The following AUTS2 variants were observed in gnomAD, a reference collection of about 807,000 sequenced individuals.
The protein encoded by AUTS2 is activator of transcription and developmental regulator AUTS2, also known as autism susceptibility gene 2 protein.
In AUTS2, 17 loss-of-function variants were observed where a neutral mutation model predicts 112.4. That is an observed-to-expected ratio of 0.15 (90% CI 0.10 to 0.23). The LOEUF is 0.23. AUTS2 is among the 10% of genes least tolerant of loss of function. AUTS2 has a pLI of 1.00. For synonymous variants in AUTS2, 751 were observed against 702.7 expected, an observed-to-expected ratio of 1.07 and a Z score of -1.09; for missense variants, 1,510 against 1,701.6, an observed-to-expected ratio of 0.89 and a Z score of 1.98.
At chr7:70,466,956 T>TG (rs1797190848) in intron 5 of AUTS2, among the ~76,000 whole-genome samples, 2 of 152,112 alleles carry the variant, frequency 1.3e-5, no homozygotes, top group Non-Finnish European at 2.9e-5. Context: ...GAGTAGGCAA[T>TG]GTGGGGGCTG....
intron 4 of AUTS2, among the ~76,000 whole-genome samples, chr7:70,255,366 C>G (rs914859702): frequency 6.6e-6 from 1 of 152,062 alleles, no homozygotes. Context: ...GCCACCACGC[C>G]CAGCCACGAA....
intron 2 of AUTS2, among the ~76,000 whole-genome samples, chr7:69,978,859 A>AACAC (rs71068004): frequency 0.23 from 29,694 of 129,384 alleles, 3,633 homozygotes; most frequent in Non-Finnish European, 0.26. Flanking sequence ...TCAAAGAAAC[A>AACAC]ACACACACAC....
Position 69,716,422 on chromosome 7 carries a change from C to G in AUTS2, c.309+116460C>G, listed in dbSNP as rs145564589. Among the ~76,000 whole-genome samples, 364 of 151,964 alleles carry G rather than the reference C, an allele frequency of 2.4e-3. 1 individual carries two copies. The highest frequency in any genetic ancestry group is 3.5e-3 in the Non-Finnish European group (238 of 67,978). On this transcript the variant is annotated intron_variant, in intron 1 of 18. Transcript: ENST00000342771. ...GATTAGACAAATTAAGAGAAATTTT[C>G]GATAGGGAAAAGAAGCAGGACAAGG...
intron 1 of AUTS2, among the ~76,000 whole-genome samples, chr7:69,653,331 C>G (rs770390496): frequency 2.0e-5 from 3 of 152,146 alleles, no homozygotes; most frequent in Non-Finnish European, 2.9e-5. Context: ...GATTATGGAG[C>G]CTGAAGAACA....
At chr7:69,693,682 C>G (rs1056356224) in intron 1 of AUTS2, among the ~76,000 whole-genome samples, 3 of 152,322 alleles carry the variant, frequency 2.0e-5, no homozygotes, top group African/African-American at 7.2e-5. Flanking sequence ...GTCTGTCTCT[C>G]TCTCTCTCTC....
intron 4 of AUTS2, among the ~76,000 whole-genome samples, chr7:70,431,851 A>G (rs551439578): frequency 1.3e-5 from 2 of 152,302 alleles, no homozygotes; most frequent in African/African-American, 4.8e-5. Context: ...CAGTATTGAG[A>G]TGGCTGGAAG....
chr7:69,689,744 C>G (rs563757817), intron 1 of AUTS2, among the ~76,000 whole-genome samples: 1 of 151,344 alleles, frequency 6.6e-6, no homozygotes, highest in South Asian at 2.1e-4. Flanking sequence ...GTGGCATGAT[C>G]TTGACTCACT....
intron 2 of AUTS2, among the ~76,000 whole-genome samples, chr7:70,056,078 CCCGGGTTCT>C (rs1801980672): frequency 6.6e-6 from 1 of 152,106 alleles, no homozygotes; most frequent in Non-Finnish European, 1.5e-5. Context: ...ACCTCCACCT[CCCGGGTTCT>C]AGCGATTCTC....
chr7:70,331,011 T>C (rs1790720164), intron 4 of AUTS2, among the ~76,000 whole-genome samples: 1 of 152,180 alleles, frequency 6.6e-6, no homozygotes, highest in African/African-American at 2.4e-5. Context: ...GAAATTTTCT[T>C]TTTTTGTTGT....
chr7:70,105,041 T>C (rs902900234), intron 2 of AUTS2, among the ~76,000 whole-genome samples: 1 of 152,224 alleles, frequency 6.6e-6, no homozygotes, highest in African/African-American at 2.4e-5. Context: ...GGATGTACTT[T>C]TACTACTATA....
intron 1 of AUTS2, among the ~76,000 whole-genome samples, chr7:69,684,777 A>G (rs1391773975): frequency 1.3e-5 from 2 of 152,204 alleles, no homozygotes; most frequent in African/African-American, 4.8e-5. Flanking sequence ...ATTAGAGACA[A>G]TGTTAGTGTG....
At chr7:70,359,199 C>CAA (rs1352355851) in intron 4 of AUTS2, among the ~76,000 whole-genome samples, 1 of 152,180 alleles carries the variant, frequency 6.6e-6, no homozygotes, top group African/African-American at 2.4e-5. Flanking sequence ...ATAGTTTGAA[C>CAA]AAAGTAAAGC....
intron 5 of AUTS2, among the ~76,000 whole-genome samples, chr7:70,488,702 C>A (rs1449775867): frequency 2.0e-5 from 3 of 152,130 alleles, no homozygotes; most frequent in African/African-American, 7.2e-5. Flanking sequence ...TCCTCCTGCT[C>A]CCAAACATTC....
intron 4 of AUTS2, among the ~76,000 whole-genome samples, chr7:70,377,919 C>T (rs925869943): frequency 7.9e-5 from 12 of 151,720 alleles, no homozygotes; most frequent in Middle Eastern, 3.2e-3. Context: ...TACAAGCGCC[C>T]GCCACCACGG....
chr7:70,745,963 A>G (rs1788424332), intron 6 of AUTS2, among the ~76,000 whole-genome samples: 1 of 152,136 alleles, frequency 6.6e-6, no homozygotes, highest in Non-Finnish European at 1.5e-5. Context: ...TTTGAATTGC[A>G]GTTATAAAGG....
chr7:69,662,916 C>A (rs1395003135), intron 1 of AUTS2, among the ~76,000 whole-genome samples: 1 of 152,130 alleles, frequency 6.6e-6, no homozygotes, highest in Non-Finnish European at 1.5e-5. Flanking sequence ...TTTAGCCAGC[C>A]CTCTTCTGTT....
At chr7:70,390,086 A>G (rs770208754) in intron 4 of AUTS2, among the ~76,000 whole-genome samples, 1 of 152,294 alleles carries the variant, frequency 6.6e-6, no homozygotes, top group Non-Finnish European at 1.5e-5. Context: ...AGAGTTCACA[A>G]CAGCTCACAC....
chr7:70,671,348 G>C (rs924107447), intron 5 of AUTS2, among the ~76,000 whole-genome samples: 2 of 152,208 alleles, frequency 1.3e-5, no homozygotes, highest in African/African-American at 4.8e-5. Context: ...ATGAAAGCTT[G>C]TCAATCCTGG....
intron 5 of AUTS2, among the ~76,000 whole-genome samples, chr7:70,672,088 ATCCCAATGAGGT>A (rs1293938446): frequency 4.6e-5 from 7 of 152,194 alleles, no homozygotes; most frequent in Non-Finnish European, 8.8e-5. Flanking sequence ...TCAGGAGGAA[ATCCCAATGAGGT>A]CATCTGTAGA....
Sources: gnomAD v4.1 joint callset for allele counts (sites outside exome capture counted in the v4.1 genomes callset) on GRCh38, gnomAD v4.1.1 for gene constraint, MANE v1.5 for transcripts, NCBI Gene and HGNC (gene_info 2026-07-23, HGNC 2026-07-21) for gene names.